The following B3GALT1 variants were observed in gnomAD, a reference collection of about 807,000 sequenced individuals.
The protein encoded by B3GALT1 is beta-1,3-galactosyltransferase 1.
A neutral mutation model predicts 23.2 loss-of-function variants in B3GALT1; 10 were observed. The observed-to-expected ratio is 0.43, with a 90% CI of 0.27 to 0.73. The LOEUF (loss-of-function observed/expected upper bound fraction) is 0.73. Among genes scored for constraint, B3GALT1 ranks in the 30% least tolerant of loss-of-function variants. The pLI is 0.21. For missense variants in B3GALT1, 299 were observed against 405.4 expected (o/e 0.74, Z 2.25); for synonymous variants, 156 against 141.5 (o/e 1.10, Z -0.73).
chr2:167,827,020 G>GTACTC (rs1689244534), intron 4 of B3GALT1, among the ~76,000 whole-genome samples: 1 of 152,108 alleles, frequency 6.6e-6, no homozygotes, highest in South Asian at 2.1e-4. Flanking sequence ...TTTTTCCACT[G>GTACTC]TACTCTACCA....
At chr2:167,494,280 C>T (rs1357896283) in intron 2 of B3GALT1, among the ~76,000 whole-genome samples, 2 of 149,998 alleles carry the variant, frequency 1.3e-5, no homozygotes, top group Non-Finnish European at 3.0e-5. Context: ...CATCTATATT[C>T]AATGAATTGT....
intron 2 of B3GALT1, among the ~76,000 whole-genome samples, chr2:167,574,974 T>A (rs572960559): frequency 9.2e-5 from 14 of 151,878 alleles, no homozygotes; most frequent in African/African-American, 2.9e-4. Context: ...GAAACCTAAA[T>A]GCAGACTTTA....
intron 1 of B3GALT1, among the ~76,000 whole-genome samples, chr2:167,342,117 A>C (rs938890310): frequency 6.6e-5 from 10 of 152,212 alleles, no homozygotes; most frequent in Non-Finnish European, 1.3e-4. Context: ...CATCCAAAGA[A>C]ATTGCTCTAA....
intron 1 of B3GALT1, among the ~76,000 whole-genome samples, chr2:167,380,460 C>G (rs1275795013): frequency 1.3e-5 from 2 of 152,164 alleles, no homozygotes; most frequent in Admixed American, 1.3e-4. Context: ...TCTAGCCTTA[C>G]TGCTGAGGCA....
At chr2:167,868,679 G>T (rs1014059977) in intron 4 of B3GALT1, among the ~76,000 whole-genome samples, 132 bp from the exon 5 acceptor site, 1 of 152,100 alleles carries the variant, frequency 6.6e-6, no homozygotes, top group Non-Finnish European at 1.5e-5. Context: ...GAAGTTTTTG[G>T]TACTGATGGA....
chr2:167,407,961 C>T, intron 1 of B3GALT1, among the ~76,000 whole-genome samples: 1 of 150,584 alleles, frequency 6.6e-6, no homozygotes, highest in African/African-American at 2.4e-5. Flanking sequence ...TGAGGCAATA[C>T]TTTAAAACTC....
intron 2 of B3GALT1, among the ~76,000 whole-genome samples, chr2:167,599,664 G>T (rs1171925649): frequency 6.6e-6 from 1 of 152,162 alleles, no homozygotes; most frequent in Non-Finnish European, 1.5e-5. Context: ...TCAGTTTGTG[G>T]TAGAACATTT....
At chr2:167,827,664 A>G (rs1689257607) in intron 4 of B3GALT1, among the ~76,000 whole-genome samples, 1 of 152,084 alleles carries the variant, frequency 6.6e-6, no homozygotes, top group African/African-American at 2.4e-5. Context: ...GTGTTTGCAT[A>G]TGGCCTCGGA....
chr2:167,328,651 A>G (rs1389914184), intron 1 of B3GALT1, among the ~76,000 whole-genome samples: 1 of 151,776 alleles, frequency 6.6e-6, no homozygotes, highest in Non-Finnish European at 1.5e-5. Context: ...TGAAGAACCA[A>G]CTTTTCATGT....
At chr2:167,724,257 C>CT (rs1439164343) in intron 3 of B3GALT1, among the ~76,000 whole-genome samples, 3 of 152,156 alleles carry the variant, frequency 2.0e-5, no homozygotes, top group Non-Finnish European at 2.9e-5. Context: ...AAATCCAGTC[C>CT]ACAGTGGAGG....
intron 2 of B3GALT1, among the ~76,000 whole-genome samples, chr2:167,580,918 C>CT (rs1443444253): frequency 6.6e-6 from 1 of 152,132 alleles, no homozygotes; most frequent in African/African-American, 2.4e-5. Flanking sequence ...TATGTGTTCA[C>CT]TACAGTTTCT....
intron 3 of B3GALT1, among the ~76,000 whole-genome samples, chr2:167,746,612 C>T (rs1474276024): frequency 2.0e-5 from 3 of 152,220 alleles, no homozygotes; most frequent in Non-Finnish European, 4.4e-5. Context: ...CGCTGTCCCA[C>T]TCTTCTTAGC....
intron 3 of B3GALT1, among the ~76,000 whole-genome samples, chr2:167,791,241 G>C (rs1451332382): frequency 6.6e-6 from 1 of 152,144 alleles, no homozygotes; most frequent in African/African-American, 2.4e-5. Context: ...CACACAGCTA[G>C]TGAGTGGTAG....
intron 3 of B3GALT1, among the ~76,000 whole-genome samples, chr2:167,767,482 T>A (rs1203639482): frequency 6.6e-6 from 1 of 152,244 alleles, no homozygotes; most frequent in African/African-American, 2.4e-5. Flanking sequence ...ATTGGGGCTC[T>A]TTTCAAACTG....
At chr2:167,564,168 G>T (rs1184340659) in intron 2 of B3GALT1, among the ~76,000 whole-genome samples, 1 of 148,422 alleles carries the variant, frequency 6.7e-6, no homozygotes, top group Non-Finnish European at 1.5e-5. Context: ...CAGGCAGAGG[G>T]TCTCCTCACT....
intron 3 of B3GALT1, among the ~76,000 whole-genome samples, chr2:167,765,863 C>G (rs1351379726): frequency 1.3e-5 from 2 of 152,208 alleles, no homozygotes; most frequent in African/African-American, 4.8e-5. Context: ...CTTGCACTCT[C>G]TTGAGGCTTT....
chr2:167,447,573 C>T (rs576603265), intron 1 of B3GALT1, among the ~76,000 whole-genome samples: 6 of 152,136 alleles, frequency 3.9e-5, no homozygotes, highest in Non-Finnish European at 8.8e-5. Flanking sequence ...AGGCACCCCT[C>T]CCCCAGCCTC....
At chr2:167,837,845 A>G (rs891290547) in intron 4 of B3GALT1, among the ~76,000 whole-genome samples, 2 of 152,084 alleles carry the variant, frequency 1.3e-5, no homozygotes, top group African/African-American at 4.8e-5. Context: ...CCACAGTGCA[A>G]TCAAACTAGA....
chr2:167,778,088 G>A (rs1688191828), intron 3 of B3GALT1, among the ~76,000 whole-genome samples: 1 of 152,118 alleles, frequency 6.6e-6, no homozygotes, highest in Admixed American at 6.5e-5. Context: ...GGGGTAATCT[G>A]TAACATATCC....
Sources: allele counts gnomAD v4.1 joint callset (sites outside exome capture counted in the v4.1 genomes callset), GRCh38; gene constraint gnomAD v4.1.1; transcripts MANE v1.5; gene names NCBI Gene and HGNC (gene_info 2026-07-23, HGNC 2026-07-21).